PIEZO2: variants seen among roughly 807,000 people sequenced by gnomAD.
PIEZO2 encodes piezo type mechanosensitive ion channel component 2.
A neutral mutation model predicts 337.3 loss-of-function variants in PIEZO2; 172 were observed. The ratio of observed to expected loss-of-function variants is 0.51; its 90% CI spans 0.45 to 0.58. The LOEUF is 0.58. PIEZO2 is among the 20% of genes least tolerant of loss of function. PIEZO2 has a pLI of 0.00. For synonymous variants in PIEZO2, 1,251 were observed against 1,228.5 expected, an observed-to-expected ratio of 1.02 and a Z score of -0.38; for missense variants, 3,028 against 3,391.3, an observed-to-expected ratio of 0.89 and a Z score of 2.66.
Position 11,009,579 on chromosome 18 carries a change from A to T in PIEZO2, c.161-29919T>A, listed in dbSNP as rs889746372. Reference sequence around the variant, plus strand: ...AAGTAAGTCTCACTTTTCCAAGATCATTACACTTCTTTGGTATCATACGAA... The same window carrying T: ...AAGTAAGTCTCACTTTTCCAAGATCTTTACACTTCTTTGGTATCATACGAA... On this transcript the variant is annotated intron_variant, in intron 2 of 55. Coordinates refer to ENST00000674853, the MANE Select transcript of PIEZO2 (RefSeq NM_001378183.1). The surrounding 1 kb of genome is among the most constrained non-coding windows in gnomAD (Gnocchi z 4.6). Among the ~76,000 whole-genome samples the T allele has an allele frequency of 1.3e-5, 2 of 152,162 alleles. No homozygotes were observed. Among genetic ancestry groups the T allele is most frequent in the African/African-American group, 4.8e-5 (2 of 41,452 alleles).
intron 4 of PIEZO2, among the ~76,000 whole-genome samples, chr18:10,891,623 G>T (rs1201720245): frequency 4.6e-5 from 7 of 152,136 alleles, no homozygotes; most frequent in Non-Finnish European, 7.3e-5. Context: ...GTGACTTCAG[G>T]TCAGGTTTTG....
chr18:10,987,465 T>C (rs2034919186), intron 2 of PIEZO2, among the ~76,000 whole-genome samples: 1 of 152,104 alleles, frequency 6.6e-6, no homozygotes, highest in African/African-American at 2.4e-5. Flanking sequence ...GGGGAATGGA[T>C]AGTCTCTTCA....
Position 11,033,565 on chromosome 18 carries a change from TC to T in PIEZO2, c.160+32561del, listed in dbSNP as rs1162163652. Among the ~76,000 whole-genome samples the T allele has an allele frequency of 2.0e-5, 3 of 152,222 alleles. No individual in the cohort carries two copies. Among genetic ancestry groups the T allele is most frequent in the African/African-American group, 7.2e-5 (3 of 41,456 alleles). On this transcript the variant is annotated intron_variant, in intron 2 of 55. Coordinates refer to ENST00000674853, the MANE Select transcript of PIEZO2 (RefSeq NM_001378183.1). The surrounding 1 kb of genome is among the most constrained non-coding windows in gnomAD (Gnocchi z 4.2). The stretch of plus-strand genomic sequence containing the variant: ...ACGCATTCCATGACACATGTTTGAC[TC>T]CTGGAAAACTTCTCTGATGCTGAAT...
At chr18:10,760,181 C>T (rs998928898) in intron 24 of PIEZO2, among the ~76,000 whole-genome samples, 1 of 152,242 alleles carries the variant, frequency 6.6e-6, no homozygotes, top group Non-Finnish European at 1.5e-5. Flanking sequence ...CCTCATGAAA[C>T]ATCACCATTC....
chr18:10,974,899 G>C (rs1395535427), intron 3 of PIEZO2, among the ~76,000 whole-genome samples: 1 of 152,220 alleles, frequency 6.6e-6, no homozygotes, highest in Non-Finnish European at 1.5e-5. Context: ...CCTGACGAAG[G>C]AATCTCCTGC....
At chr18:11,007,974 A>T (rs933393101) in intron 2 of PIEZO2, among the ~76,000 whole-genome samples, 1 of 152,226 alleles carries the variant, frequency 6.6e-6, no homozygotes, top group East Asian at 1.9e-4. Context: ...GCGCCCCACC[A>T]GCTGAAGTCA....
At chr18:11,023,801 C>T (rs2036415449) in intron 2 of PIEZO2, among the ~76,000 whole-genome samples, 3 of 152,246 alleles carry the variant, frequency 2.0e-5, no homozygotes, top group African/African-American at 4.8e-5. Flanking sequence ...CGCTGGGAGG[C>T]AGCTAAGGCC....
chr18:11,007,339 A>G (rs1347256332), intron 2 of PIEZO2, among the ~76,000 whole-genome samples: 6 of 152,250 alleles, frequency 3.9e-5, no homozygotes, highest in Admixed American at 3.9e-4. Context: ...CATAAAATAT[A>G]GGTTAAAGAA....
At chr18:11,065,610 A>G (rs1409643960) in intron 2 of PIEZO2, among the ~76,000 whole-genome samples, 1 of 152,218 alleles carries the variant, frequency 6.6e-6, no homozygotes, top group Non-Finnish European at 1.5e-5. Context: ...TCTTCAAATC[A>G]AATTATTCTC....
intron 4 of PIEZO2, among the ~76,000 whole-genome samples, chr18:10,905,581 C>A (rs2043155376): frequency 1.0e-4 from 13 of 127,944 alleles, no homozygotes; most frequent in Admixed American, 1.6e-4. Context: ...GAAACTGTTT[C>A]AAAAAAAAAA....
Position 10,953,768 on chromosome 18 carries a change from G to A in PIEZO2, c.286+25767C>T, listed in dbSNP as rs945206224. Among the ~76,000 whole-genome samples the A allele has an allele frequency of 6.6e-6, 1 of 152,108 alleles. No individual in the cohort carries two copies. The highest frequency in any genetic ancestry group is 2.4e-5 in the African/African-American group (1 of 41,412). The stretch of plus-strand genomic sequence containing the variant: ...CACATCTACTCATGGTCCTGCGGGA[G>A]GACACTGCACACCACACAGGGCCAC... On this transcript the variant is annotated intron_variant, in intron 3 of 55. Transcript: ENST00000674853. This position sits in a 1 kb window ranked among gnomAD's most constrained non-coding sequence, Gnocchi z 5.2.
rs558806410 is a variant in PIEZO2, at chr18:10,731,217, A to C, written c.5029+190T>G. ...TATATATATATATATATATATATATATCTCCTAACTTTGTGCTTTAATTTA... is the reference window on the plus strand; with the variant it reads ...TATATATATATATATATATATATATCTCTCCTAACTTTGTGCTTTAATTTA... On this transcript the variant is annotated intron_variant, in intron 36 of 55. Transcript: ENST00000674853. Among the ~76,000 whole-genome samples, 118 of 128,788 alleles carry C rather than the reference A, an allele frequency of 9.2e-4. 1 individual carries two copies. The highest frequency in any genetic ancestry group is 1.9e-3 in the South Asian group (8 of 4,144). 84.5% of individuals were successfully genotyped at this position (128,788 alleles called of 152,430 possible).
At position 10,784,741 on chromosome 18, in the gene PIEZO2, C is replaced by A; in HGVS notation, c.2492+43G>T. 1 of 1,460,722 alleles carries A rather than the reference C, an allele frequency of 6.8e-7. No individual in the cohort carries two copies. The highest frequency in any genetic ancestry group is 1.4e-5 in the African/African-American group (1 of 71,336). 90.5% of individuals were successfully genotyped at this position (1,460,722 alleles called of 1,614,324 possible). On this transcript the variant is annotated intron_variant, in intron 17 of 55. Transcript: ENST00000674853. The surrounding 1 kb of genome is among the most constrained non-coding windows in gnomAD (Gnocchi z 4.5). ...AACCTAAGGTAGGGTTGAAGAGCTG[C>A]CTTCCTGCTAATAAGAGGTCTGTGT...
chr18:10,829,800 T>C (rs914401539), intron 7 of PIEZO2, among the ~76,000 whole-genome samples: 6 of 151,652 alleles, frequency 4.0e-5, no homozygotes, highest in Admixed American at 1.3e-4. Context: ...ATTGATGCAA[T>C]AAAATAAAAA....
intron 4 of PIEZO2, among the ~76,000 whole-genome samples, chr18:10,876,483 T>C (rs2042271923): frequency 6.6e-6 from 1 of 152,218 alleles, no homozygotes; most frequent in Non-Finnish European, 1.5e-5. Context: ...TATACTAATG[T>C]ACATAATTAT....
intron 39 of PIEZO2, among the ~76,000 whole-genome samples, chr18:10,714,124 C>T (rs554645832): frequency 3.3e-5 from 5 of 151,984 alleles, no homozygotes; most frequent in Non-Finnish European, 7.4e-5. Context: ...TCCCTGTAAC[C>T]GAATTCTGTC....
Position 10,670,751 on chromosome 18 carries a change from G to A in PIEZO2, c.*776C>T, listed in dbSNP as rs1219754718. 2 of 152,450 alleles carry A rather than the reference G, an allele frequency of 1.3e-5. No homozygotes were observed. The highest frequency in any genetic ancestry group is 2.9e-5 in the Non-Finnish European group (2 of 68,038). 9.4% of individuals were successfully genotyped at this position (152,450 alleles called of 1,614,324 possible). ...CTTTTTACTCTTCTGCCTCATGTCT[G>A]TTTGCACAGGAGACCGCAGCCCTCC... On this transcript the variant is annotated 3_prime_UTR_variant, in exon 56 of 56. Transcript: ENST00000674853.
rs1362290050 is a variant in PIEZO2 at position 10,804,011 on chromosome 18, G to A, written c.1081-17C>T. ...ATCCTGCACCTGAAACACAGAAACA[G>A]GATCAGTCTTGCTTCCTGAGGCAGT... On this transcript the variant is annotated splice_polypyrimidine_tract_variant and intron_variant, in intron 8 of 55. Coordinates refer to ENST00000674853, the MANE Select transcript of PIEZO2 (RefSeq NM_001378183.1). 4.6e-6 allele frequency: 7 copies of A among 1,537,110 alleles called. No homozygotes were observed. In the African/African-American group the frequency reaches 5.5e-5, roughly 12 times the overall value.
chr18:10,682,291 C>A lies in PIEZO2; in HGVS notation c.7499G>T (p.Arg2500Ile), dbSNP rs986589293. 7.8e-6 allele frequency: 12 copies of A among 1,534,156 alleles called. No individual in the cohort carries two copies. In the Admixed American group the frequency reaches 2.2e-4, roughly 28 times the overall value. ...CTTCTGGCCCCGTGGCTGAGGGTAT[C>A]TCTGCAACAGAGAGTTCAGACAAGG... ...ILKCWRESEK[R>I]YPQPRGQKKK... Residue 2500 changes from arginine to isoleucine, a missense_variant and splice_region_variant, in exon 50 of 56, where the codon AGA (arginine) becomes ATA (isoleucine). By Grantham distance (97) the Arg-to-Ile change is moderately conservative. This residue lies in a region of PIEZO2 where 179 missense variants were observed against 281.8 expected (regional missense o/e 0.64). Coordinates refer to ENST00000674853, the MANE Select transcript of PIEZO2 (RefSeq NM_001378183.1). The surrounding 1 kb of genome is among the most constrained non-coding windows in gnomAD (Gnocchi z 5.6).
Sources: gnomAD v4.1 joint callset for allele counts (sites outside exome capture counted in the v4.1 genomes callset) on GRCh38, gnomAD v4.1.1 for gene constraint, gnomAD v4.1.1 regional missense constraint, Gnocchi (gnomAD v3.1) non-coding constraint, MANE v1.5 for transcripts, NCBI Gene and HGNC (gene_info 2026-07-23, HGNC 2026-07-21) for gene names.